The following DMD variants were observed in gnomAD, a reference collection of about 807,000 sequenced individuals.
The protein encoded by DMD is dystrophin.
Under a neutral mutation model 330.1 loss-of-function variants are expected in DMD, and 63 were observed. The ratio of observed to expected loss-of-function variants is 0.19; its 90% CI spans 0.16 to 0.24. The LOEUF is 0.24. DMD is among the 10% of genes least tolerant of loss of function. The pLI is 1.00. For missense variants in DMD, 3,344 were observed against 2,684.1 expected (o/e 1.25, Z -5.43); for synonymous variants, 1,223 against 959.8 (o/e 1.27, Z -5.07).
chrX:32,848,370 T>TA (rs1483991060), intron 3 of DMD, among the ~76,000 whole-genome samples: 30 of 112,042 alleles, frequency 2.7e-4, no homozygotes, highest in Non-Finnish European at 5.3e-4. Flanking sequence ...TCATAGGAGA[T>TA]GAATTACACA....
intron 60 of DMD, among the ~76,000 whole-genome samples, chrX:31,363,930 T>G (rs766976852): frequency 8.9e-5 from 10 of 112,096 alleles, no homozygotes; most frequent in Non-Finnish European, 1.9e-4. Flanking sequence ...CAGTAAACTT[T>G]CACCCTCTAC....
rs2032570762 is a variant in DMD, at chrX:31,121,592, A to G, written c.*327T>C. On this transcript the variant is annotated 3_prime_UTR_variant, in exon 79 of 79. Transcript: ENST00000357033. ...GTTCCATATAAAGAAATGGCAAGTT[A>G]TTTAGCTATCAAGATTTTACATGTA... The G allele has an allele frequency of 3.3e-6, 1 of 306,057 alleles. No individual in the cohort carries two copies. Among genetic ancestry groups the G allele is most frequent in the African/African-American group, 2.7e-5 (1 of 37,104 alleles). The allele number at this position is 306,057 out of a possible 1,213,427, so 25.2% of individuals were successfully genotyped here.
intron 1 of DMD, among the ~76,000 whole-genome samples, chrX:33,207,442 T>G (rs1410095015): frequency 1.8e-5 from 2 of 111,212 alleles, no homozygotes; most frequent in African/African-American, 3.3e-5. Context: ...TGGAACTATA[T>G]TTAGTATAGG....
At chrX:31,127,070 A>C (rs2147675270) in intron 77 of DMD, among the ~76,000 whole-genome samples, 1 of 112,439 alleles carries the variant, frequency 8.9e-6, no homozygotes, top group African/African-American at 3.2e-5. Context: ...CAGCACATTG[A>C]AACATAAACA....
intron 9 of DMD, among the ~76,000 whole-genome samples, chrX:32,662,253 A>G (rs764461856): frequency 2.7e-5 from 3 of 111,701 alleles, no homozygotes; most frequent in Admixed American, 9.6e-5. Context: ...TCCATAAATT[A>G]AAATATGTTA....
chrX:32,058,627 T>C (rs1177401424), intron 44 of DMD, among the ~76,000 whole-genome samples: 6 of 105,946 alleles, frequency 5.7e-5, no homozygotes, highest in Non-Finnish European at 1.2e-4. Context: ...GTAGGAAAAT[T>C]GGAGATGTAG....
chrX:31,669,841 G>GA (rs552678406), intron 53 of DMD, among the ~76,000 whole-genome samples: 16,878 of 82,999 alleles, frequency 0.2, 1,652 homozygotes, highest in African/African-American at 0.36. Flanking sequence ...GTCAATTTCT[G>GA]AAAAAAAAAA....
At chrX:31,144,883 G>A (rs983461563) in intron 76 of DMD, among the ~76,000 whole-genome samples, 1 of 111,474 alleles carries the variant, frequency 9.0e-6, no homozygotes, top group African/African-American at 3.3e-5. Flanking sequence ...AAACCAATGA[G>A]CAGCTGGCTA....
Position 32,980,186 on chromosome X carries a change from T to G in DMD, c.93+39953A>C, listed in dbSNP as rs759886581. On this transcript the variant is annotated intron_variant, in intron 2 of 78. Coordinates refer to ENST00000357033, the MANE Select transcript of DMD (RefSeq NM_004006.3). ...TTTGAGACCAGCCTGGCCAACGTGG[T>G]GAAACTCCGTCTCTACTAAAAACAG... Among the ~76,000 whole-genome samples the G allele has an allele frequency of 1.8e-4, 20 of 108,429 alleles. 1 individual carries two copies. Among genetic ancestry groups the G allele is most frequent in the Non-Finnish European group, 3.2e-4 (17 of 52,388 alleles). 94.2% of individuals were successfully genotyped at this position (108,429 alleles called of 115,157 possible).
intron 7 of DMD, among the ~76,000 whole-genome samples, chrX:32,795,094 C>T (rs1457657330): frequency 2.7e-5 from 3 of 111,962 alleles, no homozygotes; most frequent in South Asian, 3.7e-4. Context: ...AAGCATTCTA[C>T]ATTGAATAAT....
chrX:31,509,121 T>A (rs2071234160), intron 55 of DMD, among the ~76,000 whole-genome samples: 2 of 111,614 alleles, frequency 1.8e-5, no homozygotes, highest in South Asian at 7.6e-4. Context: ...TATCTCTGAG[T>A]AGTACAAACC....
intron 44 of DMD, among the ~76,000 whole-genome samples, chrX:32,131,017 T>G (rs2096690615): frequency 9.0e-6 from 1 of 110,888 alleles, no homozygotes; most frequent in Non-Finnish European, 1.9e-5. Context: ...AAACCCCATC[T>G]CTACTAAAAA....
At chrX:31,431,868 G>A (rs1970551206) in intron 60 of DMD, among the ~76,000 whole-genome samples, 1 of 109,513 alleles carries the variant, frequency 9.1e-6, no homozygotes, top group East Asian at 2.9e-4. Context: ...AGGCTGGAGT[G>A]CAGTGGCATG....
intron 50 of DMD, among the ~76,000 whole-genome samples, chrX:31,801,406 C>T (rs1272311828): frequency 9.0e-6 from 1 of 111,665 alleles, no homozygotes; most frequent in South Asian, 3.8e-4. Context: ...ACAGGGATTA[C>T]AATTCAAGGT....
At chrX:31,960,113 T>C (rs1219701796) in intron 45 of DMD, among the ~76,000 whole-genome samples, 2 of 109,691 alleles carry the variant, frequency 1.8e-5, no homozygotes, top group Non-Finnish European at 3.8e-5. Flanking sequence ...CAATTTAGTA[T>C]TCATAGAAAC....
rs184876130 is a variant in DMD at position 33,155,337 on chromosome X, A to G, written c.31+55945T>C. Among the ~76,000 whole-genome samples, 561 of 104,279 alleles carry G rather than the reference A, an allele frequency of 5.4e-3. 1 individual carries two copies. The highest frequency in any genetic ancestry group is 0.019 in the African/African-American group (537 of 28,327). 90.6% of individuals were successfully genotyped at this position (104,279 alleles called of 115,157 possible). ...CCTTTCTCTTTTTTTTTTTTTTTAG[A>G]CAGAGTCTTGCTCTGTCACCCAGGC... On this transcript the variant is annotated intron_variant, in intron 1 of 78. Transcript: ENST00000357033.
intron 67 of DMD, among the ~76,000 whole-genome samples, chrX:31,189,443 T>C (rs140980607): frequency 2.2e-4 from 25 of 111,300 alleles, no homozygotes; most frequent in African/African-American, 7.5e-4. Flanking sequence ...ATCTCTTGAG[T>C]ACTGCATTTT....
At chrX:32,358,151 A>C (rs1197883679) in intron 37 of DMD, among the ~76,000 whole-genome samples, 4 of 111,126 alleles carry the variant, frequency 3.6e-5, no homozygotes, top group Non-Finnish European at 7.5e-5. Context: ...TTCACTCATT[A>C]GTGCTTTTAG....
intron 44 of DMD, among the ~76,000 whole-genome samples, chrX:31,992,264 A>C (rs2095556294): frequency 8.9e-6 from 1 of 112,151 alleles, no homozygotes; most frequent in Admixed American, 9.5e-5. Flanking sequence ...AGTTTTTCTT[A>C]AAGAATAAAC....
Sources: gnomAD v4.1 joint callset for allele counts (sites outside exome capture counted in the v4.1 genomes callset) on GRCh38, gnomAD v4.1.1 for gene constraint, MANE v1.5 for transcripts, NCBI Gene and HGNC (gene_info 2026-07-23, HGNC 2026-07-21) for gene names.